TCF7L2: variants seen among roughly 807,000 people sequenced by gnomAD.
TCF7L2 encodes transcription factor 7-like 2.
TCF7L2 carries 23 observed loss-of-function variants against 77.9 expected under a neutral mutation model. The ratio of observed to expected loss-of-function variants is 0.30; its 90% CI spans 0.21 to 0.42. The LOEUF (loss-of-function observed/expected upper bound fraction) is 0.42. Among genes scored for constraint, TCF7L2 ranks in the 10% least tolerant of loss-of-function variants. The pLI, the probability that TCF7L2 is intolerant of heterozygous loss-of-function variation, is 1.00. For missense variants in TCF7L2, 654 were observed against 793.1 expected (o/e 0.82, Z 2.11); for synonymous variants, 413 against 340.2 (o/e 1.21, Z -2.36).
chr10:112,987,415 GT>G (rs36015766), intron 4 of TCF7L2: 22,547 of 141,222 alleles, frequency 0.16, 2,738 homozygotes, highest in African/African-American at 0.35. Flanking sequence ...GGAAGCAGAA[GT>G]TTTTTTTTTT....
At chr10:113,124,220 T>C (rs2065232196) in intron 5 of TCF7L2, among the ~76,000 whole-genome samples, 1 of 152,188 alleles carries the variant, frequency 6.6e-6, no homozygotes. Flanking sequence ...ATGAGAACTT[T>C]GCCATCTGTA....
At chr10:113,156,115 C>CTTT (rs35516476) in intron 11 of TCF7L2, among the ~76,000 whole-genome samples, 6 of 120,702 alleles carry the variant, frequency 5.0e-5, no homozygotes, top group African/African-American at 6.2e-5. Flanking sequence ...TTCTTTCTTT[C>CTTT]TTTTTTTTTT....
Position 112,964,555 on chromosome 10 carries a change from G to C in TCF7L2, c.382-1G>C. On this transcript the variant is annotated splice_acceptor_variant, in intron 3 of 13. Transcript: ENST00000627217. LOFTEE classifies it high-confidence loss of function. ...CGCTTTGATTTGGTTTCTTTCTACA[G>C]CTCCATTTTCAGTCCGGCAGCACAC... 5 of 1,613,208 alleles carry C rather than the reference G, an allele frequency of 3.1e-6. No homozygotes were observed. Among genetic ancestry groups the C allele is most frequent in the Non-Finnish European group, 4.2e-6 (5 of 1,179,384 alleles).
intron 8 of TCF7L2, among the ~76,000 whole-genome samples, chr10:113,148,762 A>G (rs965937654): frequency 9.2e-5 from 14 of 152,220 alleles, no homozygotes; most frequent in African/African-American, 3.1e-4. Flanking sequence ...AAGCGAAGGT[A>G]TGTGTATACA....
At chr10:113,093,665 T>C (rs755016335) in intron 5 of TCF7L2, among the ~76,000 whole-genome samples, 11 of 152,188 alleles carry the variant, frequency 7.2e-5, no homozygotes, top group Non-Finnish European at 1.5e-4. Context: ...AGAAAGTCAA[T>C]ATCCACCTGG....
chr10:113,088,631 G>A (rs139057606), intron 5 of TCF7L2, among the ~76,000 whole-genome samples: 18 of 152,072 alleles, frequency 1.2e-4, no homozygotes, highest in Non-Finnish European at 4.4e-5. Context: ...AAAGACTGTC[G>A]CCTGGCAGAG....
At chr10:112,970,401 C>T (rs1160023715) in intron 4 of TCF7L2, among the ~76,000 whole-genome samples, 3 of 151,712 alleles carry the variant, frequency 2.0e-5, no homozygotes, top group Non-Finnish European at 4.4e-5. Flanking sequence ...AGTAAGGCCA[C>T]CAGGACCCTC....
intron 4 of TCF7L2, among the ~76,000 whole-genome samples, chr10:112,988,223 G>A (rs901014289): frequency 2.6e-5 from 4 of 151,682 alleles, no homozygotes; most frequent in Admixed American, 1.3e-4. Context: ...TCAGCCTCCC[G>A]AGTAGCTGGG....
chr10:113,083,111 A>C (rs1433322737), intron 5 of TCF7L2, among the ~76,000 whole-genome samples: 1 of 152,082 alleles, frequency 6.6e-6, no homozygotes. Context: ...CCTTGAGTGC[A>C]GAGATGGTGA....
chr10:113,109,218 G>C (rs908863909), intron 5 of TCF7L2, among the ~76,000 whole-genome samples: 1 of 152,206 alleles, frequency 6.6e-6, no homozygotes, highest in African/African-American at 2.4e-5. Flanking sequence ...ATTGGGAAGA[G>C]CAGGGAGTTA....
At chr10:113,050,236 A>G (rs1253115727) in intron 5 of TCF7L2, among the ~76,000 whole-genome samples, 1 of 152,220 alleles carries the variant, frequency 6.6e-6, no homozygotes, top group Non-Finnish European at 1.5e-5. Context: ...CTGAGGGCAC[A>G]AGCTGCTTGT....
At chr10:113,047,751 A>G (rs954025210) in intron 5 of TCF7L2, among the ~76,000 whole-genome samples, 1 of 152,098 alleles carries the variant, frequency 6.6e-6, no homozygotes, top group Admixed American at 6.5e-5. Flanking sequence ...TGTTTCTGGG[A>G]AAATGTACCC....
At chr10:113,081,291 A>G (rs1293277777) in intron 5 of TCF7L2, among the ~76,000 whole-genome samples, 1 of 152,252 alleles carries the variant, frequency 6.6e-6, no homozygotes, top group Non-Finnish European at 1.5e-5. Flanking sequence ...TAATGTTTAC[A>G]GCACACAACA....
At chr10:113,116,516 A>G (rs1037351444) in intron 5 of TCF7L2, among the ~76,000 whole-genome samples, 1 of 152,196 alleles carries the variant, frequency 6.6e-6, no homozygotes, top group African/African-American at 2.4e-5. Flanking sequence ...ATCAAGTAGG[A>G]GTCTATGTAA....
chr10:113,126,741 C>T lies in TCF7L2; in HGVS notation c.553-14443C>T, dbSNP rs957248587. The T allele has an allele frequency of 5.1e-6, 5 of 985,746 alleles. No homozygotes were observed. The African/African-American group carries it at 7.0e-5, about 14-fold the overall frequency. 61.1% of individuals were successfully genotyped at this position (985,746 alleles called of 1,614,324 possible). ...GCTGCTCCCCTGTGCCGCGGGTGCG[C>T]GGCGGCGGCGCGGGCTGCAGGGCGG... On this transcript the variant is annotated intron_variant, in intron 5 of 13. Transcript: ENST00000627217.
intron 7 of TCF7L2, among the ~76,000 whole-genome samples, 170 bp downstream of exon 7, chr10:113,144,195 G>T (rs933845922): frequency 2.0e-5 from 3 of 151,818 alleles, no homozygotes; most frequent in Admixed American, 2.0e-4. Flanking sequence ...CACAGAAAAG[G>T]TGTTGCTGAG....
At chr10:113,129,040 A>G (rs891352372) in intron 5 of TCF7L2, among the ~76,000 whole-genome samples, 1 of 152,144 alleles carries the variant, frequency 6.6e-6, no homozygotes, top group Non-Finnish European at 1.5e-5. Flanking sequence ...TTGGAATACT[A>G]GCGAGCCCAG....
At chr10:113,089,634 C>A in intron 5 of TCF7L2, 2 of 1,446,856 alleles carry the variant, frequency 1.4e-6, no homozygotes, top group Non-Finnish European at 1.9e-6. Context: ...CAGGGCCCAT[C>A]CACTGCGATC....
intron 4 of TCF7L2, among the ~76,000 whole-genome samples, chr10:113,015,012 C>T (rs1026767943): frequency 2.6e-5 from 4 of 152,056 alleles, no homozygotes; most frequent in Admixed American, 6.5e-5. Flanking sequence ...ATGGTGAAAC[C>T]CCATCTCTAC....
Sources: gnomAD v4.1 joint callset for allele counts (sites outside exome capture counted in the v4.1 genomes callset) on GRCh38, gnomAD v4.1.1 for gene constraint, MANE v1.5 for transcripts, NCBI Gene and HGNC (gene_info 2026-07-23, HGNC 2026-07-21) for gene names.